Variants in CACHD1 observed in about 807,000 individuals in gnomAD.
CACHD1 encodes cache domain containing 1, also known as VWFA and cache domain-containing protein 1.
In CACHD1, 71 loss-of-function variants were observed where a neutral mutation model predicts 138.7. The observed-to-expected ratio is 0.51, with a 90% CI of 0.42 to 0.62. The LOEUF (loss-of-function observed/expected upper bound fraction) is 0.62. Ranked by LOEUF, CACHD1 falls within the 20% of genes least tolerant of loss-of-function variation. The pLI, the probability that CACHD1 is intolerant of heterozygous loss-of-function variation, is 0.00. For missense variants in CACHD1, 1,389 were observed against 1,625.3 expected (o/e 0.85, Z 2.50); for synonymous variants, 578 against 591.5 (o/e 0.98, Z 0.33).
In CACHD1 at chr1:64,533,575, C is replaced by T. The variant is rs915745611; in HGVS notation, c.199-17019C>T. Among the ~76,000 whole-genome samples, 131 of 152,148 alleles carry T rather than the reference C, an allele frequency of 8.6e-4. 1 individual carries two copies. The highest frequency in any genetic ancestry group is 2.9e-3 in the African/African-American group (122 of 41,434). On this transcript the variant is annotated intron_variant, in intron 1 of 26. Coordinates refer to ENST00000651257, the MANE Select transcript of CACHD1 (RefSeq NM_020925.4). ...GAGTTACCAACACTAATGTTTTAAA[C>T]GTATCTGTTTACCAAATTAACTCAA...
intron 5 of CACHD1, among the ~76,000 whole-genome samples, chr1:64,632,288 G>A (rs977500719): frequency 7.1e-6 from 1 of 140,936 alleles, no homozygotes; most frequent in Non-Finnish European, 1.5e-5. Flanking sequence ...AGAGAGAAAA[G>A]CAGGATGTTA....
At chr1:64,629,280 A>G in intron 4 of CACHD1, 75 bp from the exon 5 acceptor site, 1 of 1,521,694 alleles carries the variant, frequency 6.6e-7, no homozygotes, top group Non-Finnish European at 8.9e-7. Flanking sequence ...TTTATGCAAA[A>G]CAGATGCCTG....
intron 1 of CACHD1, among the ~76,000 whole-genome samples, chr1:64,477,962 A>G (rs1194961567): frequency 1.3e-5 from 2 of 152,174 alleles, no homozygotes; most frequent in Non-Finnish European, 2.9e-5. Context: ...GCAAATTCCA[A>G]ATATCACATA....
chr1:64,582,397 T>C (rs1647020367), intron 3 of CACHD1, 93 bp downstream of exon 3: 1 of 1,121,514 alleles, frequency 8.9e-7, no homozygotes, highest in Admixed American at 2.0e-5. Context: ...GTTTATTTAT[T>C]GCAAATTGTG....
At chr1:64,572,236 G>A (rs980205504) in intron 2 of CACHD1, among the ~76,000 whole-genome samples, 8 of 152,046 alleles carry the variant, frequency 5.3e-5, no homozygotes, top group Non-Finnish European at 1.0e-4. Context: ...TCAGCTTCTC[G>A]ATTTTTTTTC....
intron 9 of CACHD1, among the ~76,000 whole-genome samples, chr1:64,649,864 A>G (rs1051918406): frequency 1.3e-5 from 2 of 152,130 alleles, no homozygotes; most frequent in African/African-American, 4.8e-5. Flanking sequence ...TGGTTTGCAG[A>G]TCTATTGAAT....
At chr1:64,656,392 T>C (rs1649262017) in intron 12 of CACHD1, among the ~76,000 whole-genome samples, 1 of 152,190 alleles carries the variant, frequency 6.6e-6, no homozygotes, top group Admixed American at 6.5e-5. Flanking sequence ...ATAAATTATT[T>C]AATTTTCATA....
At chr1:64,497,987 C>G (rs769132478) in intron 1 of CACHD1, among the ~76,000 whole-genome samples, 2 of 152,078 alleles carry the variant, frequency 1.3e-5, no homozygotes, top group Non-Finnish European at 2.9e-5. Context: ...ATTAGCTGGG[C>G]GTGGTGGTGC....
rs1029066848 is a variant in CACHD1 at position 64,627,601 on chromosome 1, A to C, written c.518-1754A>C. On this transcript the variant is annotated intron_variant, in intron 4 of 26. Transcript: ENST00000651257. ...GTTGCACCTGAGTTCACAGGGAACC[A>C]TCACCCCCACAATATCCTGCAAATC... Among the ~76,000 whole-genome samples, 3 of 152,094 alleles carry C rather than the reference A, an allele frequency of 2.0e-5. No homozygotes were observed. The East Asian group carries it at 5.8e-4, about 29-fold the overall frequency.
intron 1 of CACHD1, among the ~76,000 whole-genome samples, chr1:64,490,457 G>A (rs926916978): frequency 6.6e-6 from 1 of 152,202 alleles, no homozygotes; most frequent in Non-Finnish European, 1.5e-5. Context: ...CTCACTGGGA[G>A]AGAAAGCTAA....
At chr1:64,513,549 A>G (rs557151921) in intron 1 of CACHD1, among the ~76,000 whole-genome samples, 2 of 152,366 alleles carry the variant, frequency 1.3e-5, no homozygotes, top group South Asian at 4.1e-4. Flanking sequence ...TACAGGTAGA[A>G]TTTGATAAAT....
intron 1 of CACHD1, among the ~76,000 whole-genome samples, chr1:64,542,109 A>G (rs1646681855): frequency 6.6e-6 from 1 of 152,358 alleles, no homozygotes; most frequent in South Asian, 2.1e-4. Context: ...AGTGCGCTCT[A>G]TATGAATTCA....
At chr1:64,611,887 T>A (rs1647545242) in intron 4 of CACHD1, among the ~76,000 whole-genome samples, 1 of 152,204 alleles carries the variant, frequency 6.6e-6, no homozygotes, top group Non-Finnish European at 1.5e-5. Context: ...AGATACTACA[T>A]GAGACTGAGG....
At chr1:64,569,485 T>G (rs1646909290) in intron 2 of CACHD1, among the ~76,000 whole-genome samples, 1 of 152,080 alleles carries the variant, frequency 6.6e-6, no homozygotes, top group African/African-American at 2.4e-5. Flanking sequence ...GTGTTCCCAC[T>G]CTAAGGAAAC....
At chr1:64,553,298 C>A (rs1646773630) in intron 2 of CACHD1, among the ~76,000 whole-genome samples, 1 of 152,206 alleles carries the variant, frequency 6.6e-6, no homozygotes, top group African/African-American at 2.4e-5. Flanking sequence ...AGAACACAGA[C>A]ACTTCAGTAC....
intron 1 of CACHD1, among the ~76,000 whole-genome samples, chr1:64,508,849 C>T (rs1442035207): frequency 6.6e-6 from 1 of 152,068 alleles, no homozygotes; most frequent in Non-Finnish European, 1.5e-5. Flanking sequence ...GGATAAGTTG[C>T]CTCCCTAGTT....
chr1:64,652,097 GTTCCAGTCTT>G, intron 9 of CACHD1, 54 bp from the exon 10 acceptor site: 1 of 1,420,704 alleles, frequency 7.0e-7, no homozygotes, highest in Non-Finnish European at 9.6e-7. Context: ...CCGGAGCACA[GTTCCAGTCTT>G]TGTCCAATTC....
In CACHD1 at chr1:64,470,701, T is replaced by G; in HGVS notation, c.-44T>G. The G allele has an allele frequency of 2.1e-6, 1 of 484,690 alleles. No homozygotes were observed. Among genetic ancestry groups the G allele is most frequent in the Non-Finnish European group, 3.5e-6 (1 of 283,080 alleles). 30.0% of individuals were successfully genotyped at this position (484,690 alleles called of 1,614,324 possible). A position where few individuals can be genotyped will look rare whatever the true frequency, so the allele number is the denominator to read the frequency against. The stretch of plus-strand genomic sequence containing the variant: ...CGGGGGGCACCTCCCGCGGCCCGCT[T>G]CCCCGCGCCCGGAGCCCGTCGGCGG... On this transcript the variant is annotated 5_prime_UTR_variant, in exon 1 of 27. Transcript: ENST00000651257. The surrounding 1 kb of genome is among the most constrained non-coding windows in gnomAD (Gnocchi z 5.2).
chr1:64,664,090 A>T (rs1649543295), intron 14 of CACHD1: 1 of 518,908 alleles, frequency 1.9e-6, no homozygotes, highest in Non-Finnish European at 3.4e-6. Context: ...TGTTAGAGGG[A>T]TGTGATTTAG....
Sources: allele counts gnomAD v4.1 joint callset (sites outside exome capture counted in the v4.1 genomes callset), GRCh38; gene constraint gnomAD v4.1.1; non-coding constraint Gnocchi (gnomAD v3.1); transcripts MANE v1.5; gene names NCBI Gene and HGNC (gene_info 2026-07-23, HGNC 2026-07-21).